Variants in ADGRE1 observed in about 807,000 individuals in gnomAD.
ADGRE1 encodes adhesion G protein-coupled receptor E1, also known as EGF-like module receptor 1.
A neutral mutation model predicts 102.7 loss-of-function variants in ADGRE1; 82 were observed. The ratio of observed to expected loss-of-function variants is 0.80; its 90% confidence interval spans 0.67 to 0.96. ADGRE1 has a LOEUF of 0.96. ADGRE1 is among the 40% of genes least tolerant of loss of function. The pLI, the probability that ADGRE1 is intolerant of heterozygous loss-of-function variation, is 0.00. For synonymous variants in ADGRE1, 398 were observed against 399.6 expected (o/e 1.00, Z 0.05); for missense variants, 1,032 against 1,085.3 (o/e 0.95, Z 0.69).
chr19:6,937,886 A>T (rs1231918502), intron 20 of ADGRE1, among the ~76,000 whole-genome samples: 1 of 152,138 alleles, frequency 6.6e-6, no homozygotes, highest in African/African-American at 2.4e-5. Flanking sequence ...TATATAATTT[A>T]TAACAGATTT....
At position 6,897,454 on chromosome 19, in the gene ADGRE1, G is replaced by A. The variant is rs749517826; in HGVS notation, c.421G>A (p.Val141Ile). ...TDINECLTSSVCPEHSDCVNS... is the reference protein window; with the variant it reads ...TDINECLTSSICPEHSDCVNS... The stretch of plus-strand genomic sequence containing the variant: ...TATCAATGAGTGCCTCACCAGCAGC[G>A]TCTGCCCTGAGCATTCTGACTGTGT... The change falls in exon 5 of 21, where the codon GTC (valine) becomes ATC (isoleucine). Residue 141 changes from valine (V) to isoleucine (I), a missense_variant. Transcript: ENST00000312053. The A allele has an allele frequency of 8.5e-5, 136 of 1,599,420 alleles. No homozygotes were observed. The highest frequency in any genetic ancestry group is 1.0e-4 in the Non-Finnish European group (117 of 1,173,792).
intron 8 of ADGRE1, among the ~76,000 whole-genome samples, chr19:6,905,695 C>G (rs538234897): frequency 5.3e-5 from 8 of 151,950 alleles, no homozygotes; most frequent in African/African-American, 1.5e-4. Context: ...TCCCCTCCCC[C>G]CAAGAATAAT....
At position 6,921,715 on chromosome 19, in the gene ADGRE1, A is replaced by G. The variant is rs1392039462; in HGVS notation, c.1623A>G (p.Pro541=). 6.3e-7 allele frequency: 1 copy of G among 1,584,138 alleles called. No homozygotes were observed. Among genetic ancestry groups the G allele is most frequent in the Non-Finnish European group, 8.6e-7 (1 of 1,169,116 alleles). Residue 541 remains proline (P), a splice_region_variant and synonymous_variant, in exon 14 of 21, where the codon CCA becomes CCG. Transcript: ENST00000312053. ...TTTTGTTTTTTTGTTTTTTTTAGCC[A>G]AAGCAGAAGTTTGAGAGGCCCATCT... ...PIIYTLENIQ[P]KQKFERPICV...
chr19:6,905,976 C>T (rs1454220303), intron 8 of ADGRE1, among the ~76,000 whole-genome samples: 2 of 152,090 alleles, frequency 1.3e-5, no homozygotes, highest in African/African-American at 2.4e-5. Context: ...GGTATGTACC[C>T]CTAAACAATA....
chr19:6,911,927 A>T (rs1202064049), intron 10 of ADGRE1, among the ~76,000 whole-genome samples: 1 of 151,966 alleles, frequency 6.6e-6, no homozygotes, highest in Non-Finnish European at 1.5e-5. Flanking sequence ...ACACACATGT[A>T]TACACACATC....
chr19:6,937,606 C>T lies in ADGRE1; in HGVS notation c.2613C>T (p.Thr871=), dbSNP rs143746594. 3,409 of 1,614,124 alleles carry T rather than the reference C, an allele frequency of 2.1e-3. 14 individuals are homozygous for T. The highest frequency in any genetic ancestry group is 2.0e-3 in the Non-Finnish European group (2,410 of 1,180,012). ...CGAAGCCCAGCTCCCAGTCCCAGACCTCAAGGATCTTGCTGTCCTCCATGC... is the reference window on the plus strand; with the variant it reads ...CGAAGCCCAGCTCCCAGTCCCAGACTTCAAGGATCTTGCTGTCCTCCATGC... The part of the protein sequence containing the change: ...GKTKPSSQSQ[T]SRILLSSMPS... Residue 871 remains threonine (T), a synonymous_variant, in exon 20 of 21, where the codon ACC becomes ACT. Transcript: ENST00000312053.
At chr19:6,930,507 C>T (rs993625587) in intron 17 of ADGRE1, among the ~76,000 whole-genome samples, 3 of 152,156 alleles carry the variant, frequency 2.0e-5, no homozygotes, top group Non-Finnish European at 4.4e-5. Context: ...GAAATATTTT[C>T]ATACAGGCAC....
intron 3 of ADGRE1, 79 bp downstream of exon 3, chr19:6,896,620 A>T: frequency 6.7e-7 from 1 of 1,502,232 alleles, no homozygotes; most frequent in Non-Finnish European, 9.0e-7. Flanking sequence ...GAATGTAGGT[A>T]CTCCCCCACC....
At position 6,930,848 on chromosome 19, in the gene ADGRE1, A is replaced by G. The variant is rs140337203; in HGVS notation, c.2289+2637A>G. Among the ~76,000 whole-genome samples, 1,155 of 152,112 alleles carry G rather than the reference A, an allele frequency of 7.6e-3. 20 individuals are homozygous for G. The highest frequency in any genetic ancestry group is 0.026 in the African/African-American group (1,094 of 41,484). On this transcript the variant is annotated intron_variant, in intron 17 of 20. Transcript: ENST00000312053. ...GAGACGGGATTTCGCCATGTTTTCC[A>G]GGCTGGTCTCGAATTCATGACCTCA...
intron 12 of ADGRE1, among the ~76,000 whole-genome samples, chr19:6,917,309 A>G (rs1974428493): frequency 6.6e-6 from 1 of 152,224 alleles, no homozygotes; most frequent in Non-Finnish European, 1.5e-5. Flanking sequence ...GTCCTGAGGA[A>G]TAGGTAGAGA....
chr19:6,897,880 C>T (rs1973621489), intron 5 of ADGRE1: 1 of 194,924 alleles, frequency 5.1e-6, no homozygotes, highest in Admixed American at 5.7e-5. Context: ...GTTCCTGTCA[C>T]AGCATTGCTA....
chr19:6,923,965 T>C (rs1165331951), intron 14 of ADGRE1, among the ~76,000 whole-genome samples: 1 of 151,498 alleles, frequency 6.6e-6, no homozygotes, highest in Non-Finnish European at 1.5e-5. Flanking sequence ...AAATTAATTA[T>C]GAATAAATGG....
intron 10 of ADGRE1, among the ~76,000 whole-genome samples, chr19:6,910,337 A>G (rs1323170793): frequency 6.6e-6 from 1 of 152,080 alleles, no homozygotes; most frequent in East Asian, 1.9e-4. Flanking sequence ...TACCTGGTGA[A>G]GAGGATTTAC....
chr19:6,898,237 CTTT>C, intron 5 of ADGRE1: 1 of 1,198,908 alleles, frequency 8.3e-7, no homozygotes, highest in South Asian at 1.6e-5. Context: ...ATTGTTTTAA[CTTT>C]TTTTTTTGGC....
In ADGRE1 at chr19:6,940,015, C is replaced by T; in HGVS notation, c.2656-9C>T. 6.2e-7 allele frequency: 1 copy of T among 1,613,926 alleles called. No homozygotes were observed. The highest frequency in any genetic ancestry group is 8.5e-7 in the Non-Finnish European group (1 of 1,179,944). On this transcript the variant is annotated splice_polypyrimidine_tract_variant and intron_variant, in intron 20 of 20. Coordinates refer to ENST00000312053, the MANE Select transcript of ADGRE1 (RefSeq NM_001974.5). ...GCAGACTCTGAGGAAATTCTTTTCT[C>T]TCTCACAGGGTTAAAGTCCTTTCTT...
chr19:6,910,292 C>A (rs1974122304), intron 10 of ADGRE1, among the ~76,000 whole-genome samples: 1 of 151,880 alleles, frequency 6.6e-6, no homozygotes, highest in Non-Finnish European at 1.5e-5. Context: ...TATAAATATT[C>A]CAATTCCCCC....
At chr19:6,899,832 C>A (rs560862034) in intron 5 of ADGRE1, among the ~76,000 whole-genome samples, 6 of 152,086 alleles carry the variant, frequency 3.9e-5, no homozygotes, top group Non-Finnish European at 7.4e-5. Flanking sequence ...GTGGCTCCTG[C>A]GTGTAATCTC....
At chr19:6,896,614 G>T (rs997128421) in intron 3 of ADGRE1, 73 bp downstream of exon 3, 7 of 1,538,006 alleles carry the variant, frequency 4.6e-6, no homozygotes, top group Non-Finnish European at 6.2e-6. Context: ...GGTATTGAAT[G>T]TAGGTACTCC....
chr19:6,903,993 CT>C (rs1568342081), intron 7 of ADGRE1, 42 bp from the exon 8 acceptor site: 1 of 1,614,042 alleles, frequency 6.2e-7, no homozygotes, highest in East Asian at 2.2e-5. Flanking sequence ...AGACATTTCT[CT>C]TTGCTCTTCT....
Sources: allele counts gnomAD v4.1 joint callset (sites outside exome capture counted in the v4.1 genomes callset), GRCh38; gene constraint gnomAD v4.1.1; transcripts MANE v1.5; gene names NCBI Gene and HGNC (gene_info 2026-07-23, HGNC 2026-07-21).